The following CEP112 variants were observed in gnomAD, a reference collection of about 807,000 sequenced individuals.
CEP112 encodes centrosomal protein 112, also known as centrosomal protein of 112 kDa.
CEP112 carries 127 observed loss-of-function variants against 153.0 expected under a neutral mutation model. The observed-to-expected ratio is 0.83, with a 90% CI of 0.72 to 0.96. The LOEUF (loss-of-function observed/expected upper bound fraction) is 0.96. CEP112 is among the 40% of genes least tolerant of loss of function. The pLI is 0.00. For missense variants in CEP112, 1,089 were observed against 1,101.2 expected (o/e 0.99, Z 0.16); for synonymous variants, 358 against 374.4 (o/e 0.96, Z 0.51).
intron 24 of CEP112, among the ~76,000 whole-genome samples, chr17:65,643,632 A>G (rs1283482373): frequency 6.6e-6 from 1 of 152,060 alleles, no homozygotes; most frequent in Non-Finnish European, 1.5e-5. Context: ...CACTTGTACT[A>G]TGTGGAGCGT....
chr17:65,699,014 T>C (rs149874184), intron 23 of CEP112, among the ~76,000 whole-genome samples: 1 of 152,356 alleles, frequency 6.6e-6, no homozygotes, highest in African/African-American at 2.4e-5. Flanking sequence ...AAACTGTGTA[T>C]TTCTCCTCCG....
At chr17:66,074,723 C>T (rs1048463880) in intron 8 of CEP112, among the ~76,000 whole-genome samples, 2 of 151,700 alleles carry the variant, frequency 1.3e-5, no homozygotes, top group Non-Finnish European at 2.9e-5. Flanking sequence ...ATTAGCTGGG[C>T]GTGGTGGCAC....
At chr17:65,937,426 A>T (rs1455736956) in intron 18 of CEP112, among the ~76,000 whole-genome samples, 1 of 74,226 alleles carries the variant, frequency 1.3e-5, no homozygotes, top group Non-Finnish European at 2.6e-5. Context: ...CCTCTGCCCC[A>T]CCGCCCCGTC....
At chr17:65,935,205 C>T (rs1005891938) in intron 18 of CEP112, among the ~76,000 whole-genome samples, 5 of 152,174 alleles carry the variant, frequency 3.3e-5, no homozygotes, top group African/African-American at 9.7e-5. Context: ...AGGGGCTCCA[C>T]TCATCAAACG....
intron 4 of CEP112, among the ~76,000 whole-genome samples, chr17:66,173,448 G>A (rs1300979808): frequency 6.6e-6 from 1 of 152,124 alleles, no homozygotes; most frequent in Non-Finnish European, 1.5e-5. Flanking sequence ...CTACCCACAC[G>A]ATTCATTCAG....
intron 17 of CEP112, among the ~76,000 whole-genome samples, chr17:65,968,638 C>T (rs766702478): frequency 6.6e-6 from 1 of 152,162 alleles, no homozygotes; most frequent in Non-Finnish European, 1.5e-5. Context: ...CCCTGCTCAT[C>T]ACAGTTAGGG....
chr17:66,024,505 A>G (rs2145656143), intron 16 of CEP112, among the ~76,000 whole-genome samples: 1 of 152,266 alleles, frequency 6.6e-6, no homozygotes, highest in African/African-American at 2.4e-5. Flanking sequence ...AAAAATCAGT[A>G]GTATTTCTAT....
chr17:65,839,659 G>A (rs981287142), intron 21 of CEP112, among the ~76,000 whole-genome samples: 18 of 151,812 alleles, frequency 1.2e-4, no homozygotes, highest in African/African-American at 4.3e-4. Flanking sequence ...ATAGTATTGG[G>A]AGTCCTAGTC....
At chr17:65,969,971 A>C (rs528429346) in intron 17 of CEP112, among the ~76,000 whole-genome samples, 1 of 152,210 alleles carries the variant, frequency 6.6e-6, no homozygotes, top group Non-Finnish European at 1.5e-5. Context: ...TGTATGTATA[A>C]CATGCATATC....
chr17:65,924,378 A>C (rs2060845623), intron 19 of CEP112, among the ~76,000 whole-genome samples: 1 of 152,210 alleles, frequency 6.6e-6, no homozygotes, highest in Admixed American at 6.5e-5. Flanking sequence ...CACATGTATA[A>C]GTATTTCTAT....
intron 3 of CEP112, among the ~76,000 whole-genome samples, chr17:66,175,548 T>A (rs775418322): frequency 6.6e-6 from 1 of 152,216 alleles, no homozygotes; most frequent in Non-Finnish European, 1.5e-5. Context: ...TGTGCCATCC[T>A]ATCTCTTTCT....
chr17:66,144,600 G>A (rs1271161396), intron 4 of CEP112, among the ~76,000 whole-genome samples: 2 of 152,182 alleles, frequency 1.3e-5, no homozygotes, highest in Non-Finnish European at 2.9e-5. Context: ...GGCTGAGGCA[G>A]GAGAATTGCT....
At chr17:65,640,749 T>A (rs1302879548) in intron 25 of CEP112, among the ~76,000 whole-genome samples, 4 of 152,216 alleles carry the variant, frequency 2.6e-5, no homozygotes, top group African/African-American at 9.6e-5. Context: ...AACTTTTCAA[T>A]TTTAAGGGTG....
chr17:65,705,400 C>T (rs181497816), intron 23 of CEP112, among the ~76,000 whole-genome samples: 1,551 of 152,316 alleles, frequency 0.01, 14 homozygotes, highest in Middle Eastern at 0.031. Context: ...AAAACTCTTT[C>T]TGAATAATTC....
chr17:65,930,904 C>T (rs967485756), intron 18 of CEP112, among the ~76,000 whole-genome samples: 4 of 151,786 alleles, frequency 2.6e-5, no homozygotes, highest in Non-Finnish European at 4.4e-5. Flanking sequence ...TCAGGTTTTC[C>T]TTCTTCTCTA....
intron 1 of CEP112, among the ~76,000 whole-genome samples, chr17:66,188,918 T>C (rs2073055517): frequency 6.6e-6 from 1 of 152,178 alleles, no homozygotes; most frequent in African/African-American, 2.4e-5. Context: ...ACTCCGGGGC[T>C]TAAAGACTAT....
chr17:65,867,297 G>A (rs1179247801), intron 20 of CEP112, among the ~76,000 whole-genome samples: 1 of 152,160 alleles, frequency 6.6e-6, no homozygotes, highest in Non-Finnish European at 1.5e-5. Flanking sequence ...CACTTTGAGT[G>A]GGATCCAGGC....
At chr17:65,637,036 TTAATAAAGACAAAGGCCAGACAA>T in intron 26 of CEP112, 65 bp downstream of exon 26, 1 of 1,013,132 alleles carries the variant, frequency 9.9e-7, no homozygotes, top group Non-Finnish European at 1.5e-6. Context: ...TCCAAGCATT[TTAATAAAGACAAAGGCCAGACAA>T]GGAGGCTCAC....
intron 6 of CEP112, among the ~76,000 whole-genome samples, chr17:66,111,504 C>T (rs1227882568): frequency 6.6e-6 from 1 of 152,118 alleles, no homozygotes; most frequent in East Asian, 1.9e-4. Flanking sequence ...CATATACCCA[C>T]GGAATACTAT....
Sources: allele counts gnomAD v4.1 joint callset (sites outside exome capture counted in the v4.1 genomes callset), GRCh38; gene constraint gnomAD v4.1.1; transcripts MANE v1.5; gene names NCBI Gene and HGNC (gene_info 2026-07-23, HGNC 2026-07-21).